The following LRRC37A2 variants were observed in gnomAD, a reference collection of about 807,000 sequenced individuals.
LRRC37A2 encodes the protein leucine rich repeat containing 37 member A2, also known as leucine-rich repeat-containing protein 37A2.
Under a neutral mutation model 68.8 loss-of-function variants are expected in LRRC37A2, and 9 were observed. That is an observed-to-expected ratio of 0.13 (90% confidence interval 0.08 to 0.23). LRRC37A2 has a LOEUF of 0.23. LRRC37A2 is among the 10% of genes least tolerant of loss of function. The pLI is 1.00. For synonymous variants in LRRC37A2, 63 were observed against 367.6 expected (o/e 0.17, Z 9.48); for missense variants, 168 against 950.4 (o/e 0.18, Z 10.82).
the LRRC37A2 span, among the ~76,000 whole-genome samples, chr17:47,003,980 T>C: frequency 6.6e-6 from 1 of 152,226 alleles, no homozygotes; most frequent in Non-Finnish European, 1.5e-5. Context: ...GTTTGGTTTT[T>C]TGTTCTTACG....
the LRRC37A2 span, among the ~76,000 whole-genome samples, chr17:46,458,373 G>A: frequency 9.2e-6 from 1 of 108,182 alleles, no homozygotes; most frequent in African/African-American, 3.2e-5. Context: ...TCCATTTACA[G>A]TGTGGACTAG....
chr17:46,782,712 G>A, the LRRC37A2 span, among the ~76,000 whole-genome samples: 1 of 152,236 alleles, frequency 6.6e-6, no homozygotes. Flanking sequence ...ATAGTGACGA[G>A]GCAATCACTG....
At chr17:46,805,509 G>T in the LRRC37A2 span, among the ~76,000 whole-genome samples, 7 of 152,162 alleles carry the variant, frequency 4.6e-5, no homozygotes, top group African/African-American at 4.8e-5. Flanking sequence ...GGAGGTGGAG[G>T]TTGCAGTGAG....
chr17:46,987,301 G>A, the LRRC37A2 span, among the ~76,000 whole-genome samples: 12 of 151,974 alleles, frequency 7.9e-5, no homozygotes, highest in Non-Finnish European at 1.3e-4. Context: ...ATGGGGAGGC[G>A]GTGAGGAAGA....
At chr17:46,375,093 AT>A in the LRRC37A2 span, among the ~76,000 whole-genome samples, 1 of 76,182 alleles carries the variant, frequency 1.3e-5, no homozygotes, top group African/African-American at 5.1e-5. Context: ...CCATAAAGGT[AT>A]TTAATTAGGG....
the LRRC37A2 span, among the ~76,000 whole-genome samples, chr17:46,947,263 T>C: frequency 1.3e-5 from 2 of 152,140 alleles, no homozygotes; most frequent in Non-Finnish European, 2.9e-5. Flanking sequence ...AGCCTCCTCT[T>C]TGGTGTATGT....
At chr17:46,896,110 C>G in the LRRC37A2 span, among the ~76,000 whole-genome samples, 1 of 151,680 alleles carries the variant, frequency 6.6e-6, no homozygotes, top group Non-Finnish European at 1.5e-5. Context: ...AACCCCGTCT[C>G]TACTAAAAAA....
At chr17:46,511,292 T>G (rs2144664566), upstream of LRRC37A2, among the ~76,000 whole-genome samples, 1 of 106,956 alleles carries the variant, frequency 9.3e-6, no homozygotes, top group East Asian at 2.7e-4. Context: ...AATTTTTCCC[T>G]GTAAAATAAT....
the LRRC37A2 span, among the ~76,000 whole-genome samples, chr17:46,726,099 T>TC: frequency 6.6e-6 from 1 of 152,224 alleles, no homozygotes; most frequent in Non-Finnish European, 1.5e-5. Flanking sequence ...ACCATTATGG[T>TC]CTGATTTGAG....
At chr17:46,923,027 C>T in the LRRC37A2 span, 24 of 654,212 alleles carry the variant, frequency 3.7e-5, no homozygotes, top group Non-Finnish European at 5.8e-5. Context: ...TTTCTCCTTC[C>T]CCTTCTCCGA....
chr17:46,890,065 T>C, the LRRC37A2 span, among the ~76,000 whole-genome samples: 1 of 152,196 alleles, frequency 6.6e-6, no homozygotes, highest in Non-Finnish European at 1.5e-5. Flanking sequence ...GGCCTGCATC[T>C]CCACCCCTGA....
chr17:47,028,258 C>A, the LRRC37A2 span: 8 of 1,375,318 alleles, frequency 5.8e-6, no homozygotes, highest in African/African-American at 1.2e-4. Context: ...TTTCCTTTGG[C>A]TTGTGTCTTT....
chr17:46,723,693 A>G, the LRRC37A2 span, among the ~76,000 whole-genome samples: 1 of 152,046 alleles, frequency 6.6e-6, no homozygotes, highest in Non-Finnish European at 1.5e-5. Flanking sequence ...CTCTTTCATC[A>G]CCACACCCAT....
chr17:46,783,757 G>C, the LRRC37A2 span, among the ~76,000 whole-genome samples: 1 of 152,252 alleles, frequency 6.6e-6, no homozygotes, highest in Admixed American at 6.5e-5. Flanking sequence ...GGTGGAGCCA[G>C]GTGGCAGGGG....
chr17:46,974,078 T>G, the LRRC37A2 span, among the ~76,000 whole-genome samples: 1 of 152,086 alleles, frequency 6.6e-6, no homozygotes, highest in South Asian at 2.1e-4. Context: ...CCTCCCTACT[T>G]CCCCCGTTCT....
chr17:46,844,305 C>CTTTTT, the LRRC37A2 span, among the ~76,000 whole-genome samples: 30 of 127,450 alleles, frequency 2.4e-4, no homozygotes, highest in African/African-American at 7.3e-4. Context: ...AGTTAGCCAC[C>CTTTTT]TTTTTTTTTT....
At chr17:46,801,225 T>C in the LRRC37A2 span, among the ~76,000 whole-genome samples, 2 of 151,868 alleles carry the variant, frequency 1.3e-5, no homozygotes, top group African/African-American at 4.8e-5. Flanking sequence ...CATGTTGGGG[T>C]TGGGAGAGGA....
chr17:47,039,980 T>C, the LRRC37A2 span, among the ~76,000 whole-genome samples: 6 of 152,088 alleles, frequency 3.9e-5, no homozygotes, highest in South Asian at 2.1e-4. Flanking sequence ...TCAGTTACCA[T>C]ACTTTTCAAC....
the LRRC37A2 span, among the ~76,000 whole-genome samples, chr17:47,012,014 C>T: frequency 3.3e-5 from 5 of 152,120 alleles, no homozygotes; most frequent in Admixed American, 6.5e-5. Flanking sequence ...CCTATAAGAT[C>T]GTGGACATAT....
Sources: allele counts gnomAD v4.1 joint callset (sites outside exome capture counted in the v4.1 genomes callset), GRCh38; gene constraint gnomAD v4.1.1; transcripts MANE v1.5; gene names NCBI Gene and HGNC (gene_info 2026-07-23, HGNC 2026-07-21).